EXOC3L1: variants seen among roughly 807,000 people sequenced by gnomAD.
The protein encoded by EXOC3L1 is exocyst complex component 3 like 1, also known as exocyst complex component 3-like protein.
Under a neutral mutation model 83.6 loss-of-function variants are expected in EXOC3L1, and 79 were observed. The observed-to-expected ratio is 0.95, with a 90% CI of 0.79 to 1.14. EXOC3L1 has a LOEUF of 1.14. Ranked by LOEUF, EXOC3L1 falls within the 50% of genes most tolerant of loss-of-function variation. The pLI is 0.00. For synonymous variants in EXOC3L1, 433 were observed against 451.2 expected, an observed-to-expected ratio of 0.96 and a Z score of 0.51; for missense variants, 945 against 972.0, an observed-to-expected ratio of 0.97 and a Z score of 0.37.
chr16:67,184,978 C>T lies in EXOC3L1; in HGVS notation c.1829G>A (p.Gly610Glu), dbSNP rs746848602. 1.9e-6 allele frequency: 3 copies of T among 1,609,914 alleles called. No individual in the cohort carries two copies. The highest frequency in any genetic ancestry group is 2.2e-5 in the South Asian group (2 of 90,776). ...ALMQGRLVCRGADERTQAAER... is the reference protein window; with the variant it reads ...ALMQGRLVCREADERTQAAER... ...GGCCGCCTGGGTCCTCTCGTCGGCTCCGCGGCACACCAGGCGGCCTTGCAT... is the reference window on the plus strand; with the variant it reads ...GGCCGCCTGGGTCCTCTCGTCGGCTTCGCGGCACACCAGGCGGCCTTGCAT... The change falls in exon 12 of 14, where the codon GGA (glycine) becomes GAA (glutamate). Residue 610 changes from glycine to glutamate, a missense_variant. Gly to Glu is a moderately conservative substitution (Grantham distance 98, BLOSUM62 -2). Coordinates refer to ENST00000314586, the MANE Select transcript of EXOC3L1 (RefSeq NM_178516.4).
Position 67,184,739 on chromosome 16 carries a change from G to C in EXOC3L1, c.1977C>G (p.Pro659=). The change falls in exon 13 of 14, where the codon CCC becomes CCG. Residue 659 remains proline, a synonymous_variant. Transcript: ENST00000314586. ...CAGCCACCTCCAGGCCCAGCAGCGC[G>C]GGGTCGCGGAGGTTTAGCAGCTCCC... The part of the protein sequence containing the change: ...ALRELLNLRD[P]ALLGLEVAGL... The C allele has an allele frequency of 1.3e-6, 2 of 1,586,914 alleles. No individual in the cohort carries two copies. Among genetic ancestry groups the C allele is most frequent in the Non-Finnish European group, 1.7e-6 (2 of 1,170,642 alleles).
chr16:67,189,828 T>C, intron 1 of EXOC3L1, 143 bp downstream of exon 1: 1 of 741,530 alleles, frequency 1.3e-6, no homozygotes, highest in Non-Finnish European at 2.2e-6. Context: ...GCGGGTGTGA[T>C]GCGGAGGGCA....
Position 67,186,348 on chromosome 16 carries a change from C to T in EXOC3L1, c.1386-1G>A. ...GAATCGGATCAGAGCATCACTGAAG[C>T]TGCAATGGGCAGAGGTGGCTCCTGG... On this transcript the variant is annotated splice_acceptor_variant, in intron 8 of 13. Transcript: ENST00000314586. LOFTEE classifies it high-confidence loss of function. 6.4e-7 allele frequency: 1 copy of T among 1,556,746 alleles called. No individual in the cohort carries two copies. The highest frequency in any genetic ancestry group is 8.7e-7 in the Non-Finnish European group (1 of 1,148,836).
At chr16:67,188,646 C>T in intron 4 of EXOC3L1, 75 bp downstream of exon 4, 2 of 1,420,340 alleles carry the variant, frequency 1.4e-6, no homozygotes, top group Admixed American at 1.8e-5. Context: ...ATCTAGTGCC[C>T]CAGCCCCTTG....
intron 2 of EXOC3L1, 21 bp downstream of exon 2, chr16:67,189,610 G>C (rs371115432): frequency 6.2e-6 from 10 of 1,613,784 alleles, no homozygotes; most frequent in Non-Finnish European, 8.5e-6. Flanking sequence ...TCCTCCCCTA[G>C]TCCACCCAAA....
At chr16:67,189,532 C>T in intron 2 of EXOC3L1, 99 bp downstream of exon 2, 1 of 1,421,712 alleles carries the variant, frequency 7.0e-7, no homozygotes, top group Non-Finnish European at 9.8e-7. Context: ...CCATCTTGAC[C>T]TCCCAAAGTG....
Position 67,184,759 on chromosome 16 carries a change from G to T in EXOC3L1, c.1957C>A (p.Leu653Met), listed in dbSNP as rs1354370837. ...CAPVLLALRE[L>M]LNLRDPALLG... Reference sequence around the variant, plus strand: ...AGCGCGGGGTCGCGGAGGTTTAGCAGCTCCCTCAGGGCGAGCAGCACCGGC... The same window carrying T: ...AGCGCGGGGTCGCGGAGGTTTAGCATCTCCCTCAGGGCGAGCAGCACCGGC... The change falls in exon 13 of 14, where the codon CTG becomes ATG. Residue 653 changes from leucine to methionine, a missense_variant. By Grantham distance (15) the Leu-to-Met change is conservative. Transcript: ENST00000314586. The T allele has an allele frequency of 2.5e-6, 4 of 1,593,894 alleles. No homozygotes were observed. In the South Asian group the frequency reaches 4.4e-5, roughly 18 times the overall value.
At position 67,188,717 on chromosome 16, in the gene EXOC3L1, TC is replaced by T; in HGVS notation, c.427+3del. 1 of 1,607,674 alleles carries T rather than the reference TC, an allele frequency of 6.2e-7. No individual in the cohort carries two copies. The highest frequency in any genetic ancestry group is 8.5e-7 in the Non-Finnish European group (1 of 1,176,858). On this transcript the variant is annotated splice_donor_region_variant and intron_variant, in intron 4 of 13. Transcript: ENST00000314586. ...GCTGAGGCCCAGGGTCCCTGCATGC[TC>T]ACCTGCCCGCAGCCGAGGCAGCAGG...
rs571286410 is a variant in EXOC3L1 at position 67,187,259 on chromosome 16, C to T, written c.1006G>A (p.Ala336Thr). The stretch of plus-strand genomic sequence containing the variant: ...ACATGCAGTGCCCAGTGCAGCAAGG[C>T]GAAGGCATCCGCAGCTTCTAGCTCA... ...GPELEAADAF[A>T]LLHWALHVYL... Residue 336 changes from alanine to threonine, a missense_variant, in exon 5 of 14, where the codon GCC becomes ACC. Ala to Thr is a moderately conservative substitution (Grantham distance 58). Coordinates refer to ENST00000314586, the MANE Select transcript of EXOC3L1 (RefSeq NM_178516.4). 1.0e-4 allele frequency: 167 copies of T among 1,612,322 alleles called. 3 individuals are homozygous for T. In the South Asian group the frequency reaches 1.7e-3, roughly 16 times the overall value.
chr16:67,186,461 C>T, intron 8 of EXOC3L1, 96 bp downstream of exon 8: 1 of 1,453,096 alleles, frequency 6.9e-7, no homozygotes, highest in Non-Finnish European at 9.6e-7. Context: ...TTTGAAAGAG[C>T]CCTTTCCCTG....
At position 67,184,811 on chromosome 16, in the gene EXOC3L1, C is replaced by A. The variant is rs1173984044; in HGVS notation, c.1906-1G>T. On this transcript the variant is annotated splice_acceptor_variant, in intron 12 of 13. Transcript: ENST00000314586. LOFTEE classifies it high-confidence loss of function. Reference sequence around the variant, plus strand: ...CGCAGTGCGCGTTCTCCTCCAGGCCCTGAGCACGTCGGGGTAGGGTCTCGC... The same window carrying A: ...CGCAGTGCGCGTTCTCCTCCAGGCCATGAGCACGTCGGGGTAGGGTCTCGC... 6.2e-7 allele frequency: 1 copy of A among 1,603,472 alleles called. No individual in the cohort carries two copies. The highest frequency in any genetic ancestry group is 1.1e-5 in the South Asian group (1 of 91,038).
intron 2 of EXOC3L1, 85 bp downstream of exon 2, chr16:67,189,546 G>T (rs1359709703): frequency 2.2e-5 from 34 of 1,523,874 alleles, no homozygotes; most frequent in Non-Finnish European, 2.3e-5. Context: ...CAAAGTGTTG[G>T]GATTACAGGC....
In EXOC3L1 at chr16:67,188,926, T is replaced by G; in HGVS notation, c.222A>C (p.Ser74=). 6.2e-7 allele frequency: 1 copy of G among 1,613,026 alleles called. No individual in the cohort carries two copies. The highest frequency in any genetic ancestry group is 8.5e-7 in the Non-Finnish European group (1 of 1,179,916). ...CACCAGTCTGCACGCCTTCCAGGTA[T>G]GACTGCATCACTGACTGTGGAAAGA... ...LESRLKSVMQ[S]YLEGVQTGVW... is the part of the protein sequence containing the mutation. Residue 74 remains serine, a synonymous_variant, in exon 4 of 14, where the codon TCA becomes TCC. Transcript: ENST00000314586.
At chr16:67,189,482 G>T in intron 2 of EXOC3L1, 149 bp downstream of exon 2, 1 of 897,738 alleles carries the variant, frequency 1.1e-6, no homozygotes, top group Non-Finnish European at 1.7e-6. Context: ...TCACTATGTT[G>T]GCCAGGTTGG....
chr16:67,189,900 A>G (rs2346676), intron 1 of EXOC3L1, 71 bp downstream of exon 1: 65,590 of 591,516 alleles, frequency 0.11, 7,190 homozygotes, highest in African/African-American at 0.43. Context: ...AGCGAGACAG[A>G]GTGGGCACAG....
Position 67,186,849 on chromosome 16 carries a change from A to G in EXOC3L1, c.1194T>C (p.Asp398=), listed in dbSNP as rs772773438. 26 of 1,613,532 alleles carry G rather than the reference A, an allele frequency of 1.6e-5. No homozygotes were observed. In the South Asian group the frequency reaches 2.7e-4, roughly 17 times the overall value. The change falls in exon 7 of 14, where the codon GAT becomes GAC. Residue 398 remains aspartate, a synonymous_variant. Transcript: ENST00000314586. ...CCCGGCCCCACTCAGCTACCTCCCC[A>G]TCCAGTGCATTCTGCAGCCACTGAG... ...SVSQWLQNAL[D]GEVAEWGREH...
intron 2 of EXOC3L1, 24 bp downstream of exon 2, chr16:67,189,607 C>T (rs1282235725): frequency 6.2e-7 from 1 of 1,613,826 alleles, no homozygotes; most frequent in African/African-American, 1.3e-5. Flanking sequence ...CATTCCTCCC[C>T]TAGTCCACCC....
At position 67,188,830 on chromosome 16, in the gene EXOC3L1, C is replaced by T. The variant is rs1032834524; in HGVS notation, c.318G>A (p.Leu106=). The T allele has an allele frequency of 3.1e-6, 5 of 1,613,212 alleles. No individual in the cohort carries two copies. In the African/African-American group the frequency reaches 6.7e-5, roughly 22 times the overall value. The change falls in exon 4 of 14, where the codon TTG becomes TTA. Residue 106 remains leucine (L), a synonymous_variant. Coordinates refer to ENST00000314586, the MANE Select transcript of EXOC3L1 (RefSeq NM_178516.4). ...TREALSQARG[L]LQGMSQALQT... ...GTAAGGCCTGGGACATGCCCTGGAG[C>T]AACCCACGGGCCTGGCTCAGGGCCT...
At position 67,185,151 on chromosome 16, in the gene EXOC3L1, C is replaced by T. The variant is rs1472301118; in HGVS notation, c.1734G>A (p.Arg578=). 7 of 1,613,220 alleles carry T rather than the reference C, an allele frequency of 4.3e-6. No individual in the cohort carries two copies. The highest frequency in any genetic ancestry group is 5.9e-6 in the Non-Finnish European group (7 of 1,180,046). ...GRFCRDFWRV[R]NPTVQLLLAE... is the part of the protein sequence containing the mutation. The stretch of plus-strand genomic sequence containing the variant: ...CCCAACCCACCTGAACCGTGGGGTT[C>T]CGCACGCGCCAGAAGTCCCGGCAGA... The change falls in exon 11 of 14, where the codon CGG becomes CGA. Residue 578 remains arginine (R), a synonymous_variant. Coordinates refer to ENST00000314586, the MANE Select transcript of EXOC3L1 (RefSeq NM_178516.4).
Sources: allele counts gnomAD v4.1 joint callset, GRCh38; gene constraint gnomAD v4.1.1; transcripts MANE v1.5; gene names NCBI Gene and HGNC (gene_info 2026-07-23, HGNC 2026-07-21).